NBEA: variants seen among roughly 807,000 people sequenced by gnomAD.
NBEA encodes the protein neurobeachin.
A neutral mutation model predicts 343.4 loss-of-function variants in NBEA; 44 were observed. That is an observed-to-expected ratio of 0.13 (90% CI 0.10 to 0.16). NBEA has a LOEUF of 0.16. Among genes scored for constraint, NBEA ranks in the 10% least tolerant of loss-of-function variants. The pLI, the probability that NBEA is intolerant of heterozygous loss-of-function variation, is 1.00. For missense variants in NBEA, 2,555 were observed against 3,631.3 expected (o/e 0.70, Z 7.62); for synonymous variants, 1,175 against 1,238.7 (o/e 0.95, Z 1.08).
At position 35,440,818 on chromosome 13, in the gene NBEA, T is replaced by TA. The variant is rs1206452481; in HGVS notation, c.6304+8425_6304+8426insA. The stretch of plus-strand genomic sequence containing the variant: ...AATACCAGTCTCTTACTCTACAGTG[T>TA]GTTGTAGTAAATACATTTGGAATTT... On this transcript the variant is annotated intron_variant, in intron 39 of 58. Coordinates refer to ENST00000379939, the MANE Select transcript of NBEA (RefSeq NM_001385012.1). Among the ~76,000 whole-genome samples, 421 of 152,314 alleles carry TA rather than the reference T, an allele frequency of 2.8e-3. 2 individuals carry two copies. Among genetic ancestry groups the TA allele is most frequent in the African/African-American group, 9.7e-3 (405 of 41,584 alleles).
At chr13:35,395,800 A>G (rs2042717888) in intron 38 of NBEA, among the ~76,000 whole-genome samples, 1 of 152,158 alleles carries the variant, frequency 6.6e-6, no homozygotes, top group Admixed American at 6.6e-5. Context: ...TTTGCATCAT[A>G]TATTTTAGGC....
intron 2 of NBEA, among the ~76,000 whole-genome samples, chr13:35,044,642 G>GTA (rs2062778694): frequency 6.7e-6 from 1 of 149,000 alleles, no homozygotes; most frequent in African/African-American, 2.5e-5. Flanking sequence ...GTGTGTGTGT[G>GTA]TGTTCTGGGA....
chr13:35,150,599 C>T (rs1034357803), intron 18 of NBEA, among the ~76,000 whole-genome samples: 7 of 152,130 alleles, frequency 4.6e-5, no homozygotes, highest in Non-Finnish European at 7.4e-5. Context: ...AGGTTGTGTA[C>T]TCTTAGCAAG....
At chr13:35,190,099 T>C (rs929626498) in intron 30 of NBEA, among the ~76,000 whole-genome samples, 7 of 152,100 alleles carry the variant, frequency 4.6e-5, no homozygotes, top group African/African-American at 1.7e-4. Flanking sequence ...ATTATAACTA[T>C]TTGAACTGTA....
intron 47 of NBEA, among the ~76,000 whole-genome samples, chr13:35,601,172 A>G (rs1333674915): frequency 2.9e-5 from 2 of 69,038 alleles, no homozygotes; most frequent in African/African-American, 4.0e-5. Flanking sequence ...GCAAAACTGC[A>G]TCTCAACAAA....
intron 34 of NBEA, among the ~76,000 whole-genome samples, chr13:35,264,769 A>G: frequency 6.6e-6 from 1 of 151,928 alleles, no homozygotes; most frequent in East Asian, 1.9e-4. Flanking sequence ...CATTCTGACA[A>G]ACACGACTAG....
At chr13:35,071,499 A>T (rs2063869276) in intron 10 of NBEA, among the ~76,000 whole-genome samples, 1 of 152,020 alleles carries the variant, frequency 6.6e-6, no homozygotes, top group Non-Finnish European at 1.5e-5. Context: ...ATTTAATGTT[A>T]TATCTTAGAA....
At chr13:34,982,790 GTTAA>G (rs1703319594) in intron 1 of NBEA, among the ~76,000 whole-genome samples, 1 of 152,078 alleles carries the variant, frequency 6.6e-6, no homozygotes, top group Admixed American at 6.5e-5. Flanking sequence ...ATTAAGTCAA[GTTAA>G]TTATAGTGTT....
At chr13:35,540,104 T>G (rs2153004707) in intron 41 of NBEA, among the ~76,000 whole-genome samples, 1 of 152,086 alleles carries the variant, frequency 6.6e-6, no homozygotes, top group South Asian at 2.1e-4. Flanking sequence ...TATCTAAAAT[T>G]TTAATATGAA....
chr13:35,475,532 C>T (rs1010721938), intron 41 of NBEA: 4 of 1,612,908 alleles, frequency 2.5e-6, no homozygotes, highest in Admixed American at 3.3e-5. Flanking sequence ...TCCGCCTTGA[C>T]CTCCGCCACC....
chr13:35,298,201 G>A (rs999644740), intron 35 of NBEA, among the ~76,000 whole-genome samples: 1 of 15,280 alleles, frequency 6.5e-5, no homozygotes, highest in African/African-American at 1.0e-4. Context: ...GTGTGTGTGT[G>A]TGTGTGTGTG....
chr13:35,307,826 A>G (rs1287727776), intron 35 of NBEA, among the ~76,000 whole-genome samples: 2 of 152,110 alleles, frequency 1.3e-5, no homozygotes, highest in South Asian at 2.1e-4. Flanking sequence ...GAATGAGAAT[A>G]ACAAAGAGGC....
intron 33 of NBEA, among the ~76,000 whole-genome samples, chr13:35,221,377 T>C (rs1445672281): frequency 6.6e-6 from 1 of 151,596 alleles, no homozygotes; most frequent in African/African-American, 2.4e-5. Context: ...AAACTTCCAA[T>C]TGTCTATCTT....
At chr13:35,361,324 G>T (rs867410955) in intron 38 of NBEA, among the ~76,000 whole-genome samples, 1 of 152,044 alleles carries the variant, frequency 6.6e-6, no homozygotes, top group Non-Finnish European at 1.5e-5. Flanking sequence ...AATTCCAGAC[G>T]ACCTCTTTCA....
chr13:35,516,545 G>C (rs2152989770), intron 41 of NBEA, among the ~76,000 whole-genome samples: 1 of 152,226 alleles, frequency 6.6e-6, no homozygotes, highest in South Asian at 2.1e-4. Flanking sequence ...TAATTTTATA[G>C]TAAATGATGC....
chr13:35,177,051 T>C lies in NBEA; in HGVS notation c.4610T>C (p.Leu1537Pro). The C allele has an allele frequency of 6.2e-7, 1 of 1,606,236 alleles. No homozygotes were observed. Among genetic ancestry groups the C allele is most frequent in the South Asian group, 1.1e-5 (1 of 89,776 alleles). Residue 1537 changes from leucine (L) to proline (P), a missense_variant, in exon 28 of 59, where the codon CTT becomes CCT. Leu to Pro is a moderately conservative substitution (Grantham distance 98, BLOSUM62 -3). Coordinates refer to ENST00000379939, the MANE Select transcript of NBEA (RefSeq NM_001385012.1). ...TCTCCTATTAAGGATCCGGATAGACTTCTTCAGGATGTTGATATCAATCGC... is the reference window on the plus strand; with the variant it reads ...TCTCCTATTAAGGATCCGGATAGACCTCTTCAGGATGTTGATATCAATCGC... ...NLSPIKDPDR[L>P]LQDVDINRLR...
intron 1 of NBEA, among the ~76,000 whole-genome samples, chr13:35,017,829 T>C (rs974663925): frequency 1.3e-5 from 2 of 152,180 alleles, no homozygotes; most frequent in East Asian, 1.9e-4. Flanking sequence ...CTTTTGTGGC[T>C]TACTTAAAAA....
chr13:34,991,138 T>C (rs2060736250), intron 1 of NBEA, among the ~76,000 whole-genome samples: 1 of 152,210 alleles, frequency 6.6e-6, no homozygotes, highest in South Asian at 2.1e-4. Context: ...CCTTCCTTGG[T>C]CTTCCTGTCT....
At chr13:35,087,383 A>G (rs553621701) in intron 10 of NBEA, among the ~76,000 whole-genome samples, 9 of 152,032 alleles carry the variant, frequency 5.9e-5, no homozygotes, top group Non-Finnish European at 1.3e-4. Context: ...TTTAGAGTAC[A>G]CTCTGGAGAA....
Sources: gnomAD v4.1 joint callset for allele counts (sites outside exome capture counted in the v4.1 genomes callset) on GRCh38, gnomAD v4.1.1 for gene constraint, MANE v1.5 for transcripts, NCBI Gene and HGNC (gene_info 2026-07-23, HGNC 2026-07-21) for gene names.